The following TARS1 variants were observed in gnomAD, a reference collection of about 807,000 sequenced individuals.
The protein encoded by TARS1 is threonine--tRNA ligase 1, cytoplasmic.
TARS1 carries 57 observed loss-of-function variants against 97.7 expected under a neutral mutation model. The observed-to-expected ratio is 0.58, with a 90% confidence interval of 0.47 to 0.73. The LOEUF is 0.73. TARS1 is among the 30% of genes least tolerant of loss of function. The pLI is 0.00. For synonymous variants in TARS1, 312 were observed against 293.7 expected, an observed-to-expected ratio of 1.06 and a Z score of -0.64; for missense variants, 806 against 888.3, an observed-to-expected ratio of 0.91 and a Z score of 1.18.
rs1367581038 is a variant in TARS1 at position 33,463,851 on chromosome 5, T to A, written c.1908+26T>A. 5.7e-6 allele frequency: 9 copies of A among 1,585,542 alleles called. No homozygotes were observed. In the Admixed American group the frequency reaches 8.5e-5, roughly 15 times the overall value. ...GTAAGCCTTAGATATGAATTTTCTT[T>A]CAATTTAACATCTGTTGTTCAGCTT... On this transcript the variant is annotated intron_variant, in intron 17 of 18. Transcript: ENST00000265112.
chr5:33,442,934 A>G (rs1254447399), intron 1 of TARS1, among the ~76,000 whole-genome samples: 2 of 152,154 alleles, frequency 1.3e-5, no homozygotes, highest in African/African-American at 4.8e-5. Context: ...CCTCAAACCC[A>G]GTATCCTATA....
intron 5 of TARS1, 34 bp downstream of exon 5, chr5:33,455,100 C>A (rs1372177224): frequency 1.2e-6 from 2 of 1,610,428 alleles, no homozygotes; most frequent in South Asian, 1.1e-5. Flanking sequence ...AAACTGAAGT[C>A]AATGACTATG....
intron 1 of TARS1, among the ~76,000 whole-genome samples, chr5:33,443,316 T>C (rs74728320): frequency 4.0e-4 from 48 of 120,604 alleles, no homozygotes; most frequent in African/African-American, 1.5e-3. Flanking sequence ...CCTCTCTCTC[T>C]CTCCCTCTCT....
rs1561074985 is a variant in TARS1 at position 33,457,288 on chromosome 5, A to G, written c.869A>G (p.Asp290Gly). The stretch of plus-strand genomic sequence containing the variant: ...TCCACGTACTGGGAAGGCAAAGCAG[A>G]TATGGAGACTCTCCAGAGAATTTAT... ...NSSTYWEGKADMETLQRIYGI... is the reference protein window; with the variant it reads ...NSSTYWEGKAGMETLQRIYGI... Residue 290 changes from aspartate to glycine, a missense_variant, in exon 9 of 19, where the codon GAT becomes GGT. Physicochemically the swap from Asp to Gly is moderately conservative, Grantham distance 94. Transcript: ENST00000265112. 3 of 1,614,106 alleles carry G rather than the reference A, an allele frequency of 1.9e-6. No homozygotes were observed. Among genetic ancestry groups the G allele is most frequent in the Non-Finnish European group, 2.5e-6 (3 of 1,180,024 alleles).
intron 4 of TARS1, 89 bp downstream of exon 4, chr5:33,453,501 CTAACA>C (rs1741856941): frequency 1.3e-6 from 2 of 1,483,878 alleles, no homozygotes; most frequent in Non-Finnish European, 9.2e-7. Flanking sequence ...GATTGGGTGG[CTAACA>C]TTTATTGTTG....
At chr5:33,459,911 C>G (rs1294024953) in intron 11 of TARS1, 50 bp downstream of exon 11, 2 of 1,572,976 alleles carry the variant, frequency 1.3e-6, no homozygotes, top group South Asian at 1.2e-5. Flanking sequence ...TGCTACAATT[C>G]ATCCTGGGTT....
At chr5:33,443,355 C>CTCTCTCTCTG (rs1741232705) in intron 1 of TARS1, among the ~76,000 whole-genome samples, 1 of 146,742 alleles carries the variant, frequency 6.8e-6, no homozygotes, top group African/African-American at 2.6e-5. Context: ...CTCTCTCTCT[C>CTCTCTCTCTG]TCTCTCACTA....
intron 2 of TARS1, chr5:33,446,268 C>T (rs1361054836): frequency 4.2e-6 from 1 of 240,656 alleles, no homozygotes; most frequent in Non-Finnish European, 8.4e-6. Context: ...TAGAACCCTA[C>T]CTAACCATTT....
At chr5:33,459,965 A>G (rs942373239) in intron 11 of TARS1, 104 bp downstream of exon 11, 1 of 1,282,636 alleles carries the variant, frequency 7.8e-7, no homozygotes, top group Non-Finnish European at 1.1e-6. Context: ...AAATTATGTG[A>G]TCAGAAGAGC....
chr5:33,449,901 A>G (rs1269974928), intron 3 of TARS1, among the ~76,000 whole-genome samples: 1 of 152,166 alleles, frequency 6.6e-6, no homozygotes, highest in East Asian at 1.9e-4. Context: ...AAACACTTCA[A>G]CTTAAAATAT....
In TARS1 at chr5:33,445,139, C is replaced by A. The variant is rs569226544; in HGVS notation, c.58-185C>A. Among the ~76,000 whole-genome samples, 88 of 152,152 alleles carry A rather than the reference C, an allele frequency of 5.8e-4. 1 individual carries two copies. The highest frequency in any genetic ancestry group is 5.4e-3 in the South Asian group (26 of 4,818). On this transcript the variant is annotated intron_variant, in intron 1 of 18. Coordinates refer to ENST00000265112, the MANE Select transcript of TARS1 (RefSeq NM_152295.5). ...CTCCTTCCTACTTTTTAAAGACTTGCCTTTATTGTAAGTTGTTAACCTGTC... is the reference window on the plus strand; with the variant it reads ...CTCCTTCCTACTTTTTAAAGACTTGACTTTATTGTAAGTTGTTAACCTGTC...
At chr5:33,451,686 T>A (rs1373276014) in intron 3 of TARS1, among the ~76,000 whole-genome samples, 2 of 152,218 alleles carry the variant, frequency 1.3e-5, no homozygotes, top group African/African-American at 4.8e-5. Context: ...TTGTTACAAA[T>A]CTTAAAGATT....
intron 3 of TARS1, chr5:33,452,360 AACCTCTCTTC>A (rs1197548431): frequency 6.5e-7 from 1 of 1,535,270 alleles, no homozygotes; most frequent in South Asian, 1.2e-5. Context: ...TTCCTGCAAA[AACCTCTCTTC>A]ACTTGCATCT....
In TARS1 at chr5:33,461,028, A is replaced by G. The variant is rs375076431; in HGVS notation, c.1377A>G (p.Gln459=). Reference sequence around the variant, plus strand: ...GACTCACCCGGGTACGAAGATTCCAACAGGATGATGCTCACATATTCTGTG... The same window carrying G: ...GACTCACCCGGGTACGAAGATTCCAGCAGGATGATGCTCACATATTCTGTG... ...LTGLTRVRRF[Q]QDDAHIFCAM... Residue 459 remains glutamine, a synonymous_variant, in exon 12 of 19, where the codon CAA becomes CAG. Coordinates refer to ENST00000265112, the MANE Select transcript of TARS1 (RefSeq NM_152295.5). The G allele has an allele frequency of 1.5e-5, 25 of 1,614,080 alleles. No individual in the cohort carries two copies. Among genetic ancestry groups the G allele is most frequent in the Non-Finnish European group, 1.8e-5 (21 of 1,180,042 alleles).
Position 33,455,779 on chromosome 5 carries a change from G to A in TARS1, c.693+75G>A, listed in dbSNP as rs527391990. 169 of 1,117,638 alleles carry A rather than the reference G, an allele frequency of 1.5e-4. No individual in the cohort carries two copies. The East Asian group carries it at 2.4e-3, about 16-fold the overall frequency. 69.2% of individuals were successfully genotyped at this position (1,117,638 alleles called of 1,614,324 possible). ...TGTTAGTTGAAGTGACACCACTGGC[G>A]TTCCGTGTACTAAGCTGAAGTCTAA... On this transcript the variant is annotated intron_variant, in intron 6 of 18. Transcript: ENST00000265112.
intron 1 of TARS1, among the ~76,000 whole-genome samples, chr5:33,443,049 A>C (rs547396424): frequency 6.6e-6 from 1 of 152,108 alleles, no homozygotes; most frequent in African/African-American, 2.4e-5. Flanking sequence ...CTGTTTCCCA[A>C]CTTTTGGGTT....
intron 1 of TARS1, 147 bp downstream of exon 1, chr5:33,441,290 A>G: frequency 1.1e-6 from 1 of 880,332 alleles, no homozygotes; most frequent in Non-Finnish European, 1.8e-6. Context: ...ACTCCTGGAA[A>G]GTCGGAACCC....
intron 17 of TARS1, chr5:33,466,648 C>A: frequency 3.0e-6 from 1 of 336,466 alleles, no homozygotes; most frequent in Non-Finnish European, 5.5e-6. Flanking sequence ...ATACTGAAAA[C>A]ATTGTTTACT....
chr5:33,453,221 C>T (rs1579582416), intron 3 of TARS1, 68 bp from the exon 4 acceptor site: 12 of 1,383,428 alleles, frequency 8.7e-6, no homozygotes, highest in East Asian at 2.6e-5. Flanking sequence ...GTTTATTTTC[C>T]TGTTTTCAAA....
Sources: allele counts gnomAD v4.1 joint callset (sites outside exome capture counted in the v4.1 genomes callset), GRCh38; gene constraint gnomAD v4.1.1; transcripts MANE v1.5; gene names NCBI Gene and HGNC (gene_info 2026-07-23, HGNC 2026-07-21).